The following ETFA variants were observed in gnomAD, a reference collection of about 807,000 sequenced individuals.
ETFA encodes electron transfer flavoprotein subunit alpha, mitochondrial.
A neutral mutation model predicts 46.2 loss-of-function variants in ETFA; 22 were observed. The ratio of observed to expected loss-of-function variants is 0.48; its 90% CI spans 0.34 to 0.68. ETFA has a LOEUF of 0.68. Among genes scored for constraint, ETFA ranks in the 30% least tolerant of loss-of-function variants. ETFA has a pLI of 0.01. For synonymous variants in ETFA, 131 were observed against 139.9 expected (o/e 0.94, Z 0.45); for missense variants, 345 against 401.1 (o/e 0.86, Z 1.19).
At chr15:76,305,312 T>C (rs545100218) in intron 1 of ETFA, among the ~76,000 whole-genome samples, 1 of 152,352 alleles carries the variant, frequency 6.6e-6, no homozygotes, top group South Asian at 2.1e-4. Flanking sequence ...GTGAACTTGG[T>C]ATCTACCTCT....
chr15:76,268,103 TGG>T (rs1567209798), intron 9 of ETFA, among the ~76,000 whole-genome samples: 11 of 149,050 alleles, frequency 7.4e-5, no homozygotes, highest in Non-Finnish European at 1.5e-4. Flanking sequence ...TCATTACCAA[TGG>T]TAACTTTTAC....
At chr15:76,233,220 G>A (rs1286891834) in intron 9 of ETFA, among the ~76,000 whole-genome samples, 1 of 151,764 alleles carries the variant, frequency 6.6e-6, no homozygotes, top group Non-Finnish European at 1.5e-5. Flanking sequence ...GTCGGACAAT[G>A]CAAGGAGGCC....
chr15:76,229,350 T>C (rs1022100715), intron 10 of ETFA, among the ~76,000 whole-genome samples: 1 of 152,242 alleles, frequency 6.6e-6, no homozygotes, highest in African/African-American at 2.4e-5. Flanking sequence ...AAACATCTGT[T>C]GACTAGATGG....
At chr15:76,227,801 AT>A in intron 10 of ETFA, 1 of 456,072 alleles carries the variant, frequency 2.2e-6, no homozygotes, top group Non-Finnish European at 4.4e-6. Context: ...GCTACAGGAT[AT>A]CCAACATCTG....
chr15:76,221,264 T>G (rs2038953634), intron 11 of ETFA, among the ~76,000 whole-genome samples: 1 of 152,182 alleles, frequency 6.6e-6, no homozygotes, highest in Non-Finnish European at 1.5e-5. Flanking sequence ...ATATGAAACA[T>G]CCAGGACTGG....
chr15:76,218,115 C>T (rs1402239696), intron 11 of ETFA, among the ~76,000 whole-genome samples: 1 of 152,178 alleles, frequency 6.6e-6, no homozygotes, highest in African/African-American at 2.4e-5. Context: ...TAAGATAAAG[C>T]CCAACTACTT....
At chr15:76,301,329 T>C (rs565384929) in intron 1 of ETFA, among the ~76,000 whole-genome samples, 18 of 152,294 alleles carry the variant, frequency 1.2e-4, no homozygotes, top group African/African-American at 4.3e-4. Flanking sequence ...ACAGGAGCAA[T>C]GTCTGATATT....
chr15:76,262,297 A>T (rs749678728), intron 9 of ETFA, among the ~76,000 whole-genome samples: 2 of 151,872 alleles, frequency 1.3e-5, no homozygotes, highest in African/African-American at 4.8e-5. Context: ...TATCTAAAAC[A>T]TGTGTAACTA....
At chr15:76,226,122 A>T (rs1247361651) in intron 10 of ETFA, 193 bp from the exon 11 acceptor site, 1 of 568,616 alleles carries the variant, frequency 1.8e-6, no homozygotes, top group Non-Finnish European at 3.1e-6. Context: ...TCTTACCCAC[A>T]TCTAGCCCAT....
intron 9 of ETFA, among the ~76,000 whole-genome samples, chr15:76,267,454 T>C (rs1366766537): frequency 6.6e-6 from 1 of 152,230 alleles, no homozygotes; most frequent in African/African-American, 2.4e-5. Flanking sequence ...TCTTGATAAT[T>C]ATTATCCTAA....
At chr15:76,242,322 C>T (rs2039200933) in intron 9 of ETFA, among the ~76,000 whole-genome samples, 1 of 152,198 alleles carries the variant, frequency 6.6e-6, no homozygotes, top group Admixed American at 6.5e-5. Flanking sequence ...ACCTAGGTCT[C>T]CTGACTTCCA....
intron 9 of ETFA, among the ~76,000 whole-genome samples, chr15:76,272,237 T>C (rs946337752): frequency 6.6e-6 from 1 of 151,452 alleles, no homozygotes; most frequent in Admixed American, 6.6e-5. Context: ...TTTTTTTTTT[T>C]TGGAGACAGT....
chr15:76,301,307 T>C (rs973279234), intron 1 of ETFA, among the ~76,000 whole-genome samples: 7 of 152,214 alleles, frequency 4.6e-5, no homozygotes, highest in African/African-American at 1.4e-4. Flanking sequence ...TCGTCCCCCT[T>C]TGATACTGAG....
At chr15:76,263,751 G>C (rs1393446708) in intron 9 of ETFA, among the ~76,000 whole-genome samples, 2 of 152,222 alleles carry the variant, frequency 1.3e-5, no homozygotes, top group Admixed American at 6.5e-5. Flanking sequence ...TTCAAACGAT[G>C]ATGAGGCAGA....
chr15:76,256,834 G>C (rs2141488212), intron 9 of ETFA, among the ~76,000 whole-genome samples: 1 of 152,252 alleles, frequency 6.6e-6, no homozygotes, highest in South Asian at 2.1e-4. Flanking sequence ...TTTATGTTTA[G>C]ATACACAAAT....
At chr15:76,268,189 C>CAAAAAAAAAAA (rs57096514) in intron 9 of ETFA, among the ~76,000 whole-genome samples, 7 of 107,074 alleles carry the variant, frequency 6.5e-5, no homozygotes, top group Admixed American at 1.0e-4. Flanking sequence ...CCAGCTACAG[C>CAAAAAAAAAAA]AAAAAAAAAA....
chr15:76,294,268 C>G (rs575182718), intron 2 of ETFA, among the ~76,000 whole-genome samples: 1 of 152,084 alleles, frequency 6.6e-6, no homozygotes, highest in South Asian at 2.1e-4. Context: ...TCACAAATTC[C>G]TATATATCCA....
chr15:76,289,599 C>T (rs950723801), intron 4 of ETFA, among the ~76,000 whole-genome samples: 7 of 152,036 alleles, frequency 4.6e-5, no homozygotes, highest in Admixed American at 2.6e-4. Flanking sequence ...AAAATATATC[C>T]CATCCAACAA....
intron 9 of ETFA, among the ~76,000 whole-genome samples, chr15:76,256,006 C>G (rs914363967): frequency 2.0e-5 from 3 of 151,662 alleles, no homozygotes; most frequent in African/African-American, 7.3e-5. Flanking sequence ...ACCTGTAATC[C>G]CAGCACTTTG....
Sources: allele counts gnomAD v4.1 joint callset (sites outside exome capture counted in the v4.1 genomes callset), GRCh38; gene constraint gnomAD v4.1.1; transcripts MANE v1.5; gene names NCBI Gene and HGNC (gene_info 2026-07-23, HGNC 2026-07-21).